MPHOSPH9: variants seen among roughly 807,000 people sequenced by gnomAD.
The protein encoded by MPHOSPH9 is M-phase phosphoprotein 9.
A neutral mutation model predicts 145.5 loss-of-function variants in MPHOSPH9; 88 were observed. The observed-to-expected ratio is 0.60, with a 90% CI of 0.51 to 0.72. The LOEUF (loss-of-function observed/expected upper bound fraction) is 0.72, where lower values mean the gene tolerates loss of function less well. Ranked by LOEUF, MPHOSPH9 falls within the 30% of genes least tolerant of loss-of-function variation. MPHOSPH9 has a pLI of 0.00. For missense variants in MPHOSPH9, 1,238 were observed against 1,386.6 expected (o/e 0.89, Z 1.70); for synonymous variants, 435 against 486.2 (o/e 0.89, Z 1.39).
At chr12:123,213,692 C>A (rs1360422305) in intron 7 of MPHOSPH9, among the ~76,000 whole-genome samples, 2 of 152,168 alleles carry the variant, frequency 1.3e-5, no homozygotes, top group East Asian at 3.9e-4. Context: ...GGACATAACC[C>A]CATTGTAATT....
chr12:123,166,531 G>C, intron 17 of MPHOSPH9, 124 bp downstream of exon 17: 1 of 1,081,506 alleles, frequency 9.2e-7, no homozygotes, highest in South Asian at 1.4e-5. Flanking sequence ...TAAAATAAAA[G>C]TCAGGTTCTC....
At position 123,203,011 on chromosome 12, in the gene MPHOSPH9, G is replaced by A. The variant is rs372493257; in HGVS notation, c.1394C>T (p.Pro465Leu). 5.4e-5 allele frequency: 87 copies of A among 1,614,190 alleles called. No homozygotes were observed. Among genetic ancestry groups the A allele is most frequent in the South Asian group, 2.6e-4 (24 of 91,088 alleles). ...QISGIQPHGL[P>L]NALDDRISFS... ...GGATATTCTGTCATCAAGGGCATTC[G>A]GAAGGCCGTGAGGTTGAATCCCTGA... is the stretch of plus-strand genomic sequence containing the variant. Residue 465 changes from proline to leucine, a missense_variant, in exon 10 of 24, where the codon CCG (proline) becomes CTG (leucine). Transcript: ENST00000606320.
At chr12:123,230,589 TA>T (rs1365898260) in intron 1 of MPHOSPH9, 67 bp from the exon 2 acceptor site, 15 of 395,782 alleles carry the variant, frequency 3.8e-5, no homozygotes, top group African/African-American at 6.2e-5. Context: ...TGTTTTTACA[TA>T]ACTTTGGAAA....
chr12:123,213,317 T>C (rs1218855450), intron 7 of MPHOSPH9, among the ~76,000 whole-genome samples: 1 of 152,116 alleles, frequency 6.6e-6, no homozygotes, highest in African/African-American at 2.4e-5. Context: ...TGATGTTTAA[T>C]AAGCTAGGTG....
Position 123,200,109 on chromosome 12 carries a change from T to C in MPHOSPH9, c.1938-1775A>G, listed in dbSNP as rs542532429. ...TGTCCCAAGTTCTAAATCCGTGACATAGTAATCTGATATCACAGCTGGCTA... is the reference window on the plus strand; with the variant it reads ...TGTCCCAAGTTCTAAATCCGTGACACAGTAATCTGATATCACAGCTGGCTA... On this transcript the variant is annotated intron_variant, in intron 11 of 23. Coordinates refer to ENST00000606320, the MANE Select transcript of MPHOSPH9 (RefSeq NM_022782.4). 2.0e-4 allele frequency among the ~76,000 whole-genome samples: 31 copies of C among 152,332 alleles called. 1 individual carries two copies. In the South Asian group the frequency reaches 6.2e-3, roughly 31 times the overall value.
At position 123,155,992 on chromosome 12, in the gene MPHOSPH9, C is replaced by T. The variant is rs577915588; in HGVS notation, c.*815G>A. On this transcript the variant is annotated 3_prime_UTR_variant, in exon 24 of 24. Transcript: ENST00000606320. ...GCTGAAGCCATGCACACTAAGAAAACCAGGCTGCCCTCTTAATCCCTCACG... is the reference window on the plus strand; with the variant it reads ...GCTGAAGCCATGCACACTAAGAAAATCAGGCTGCCCTCTTAATCCCTCACG... 2 of 152,308 alleles carry T rather than the reference C, an allele frequency of 1.3e-5. No individual in the cohort carries two copies. Among genetic ancestry groups the T allele is most frequent in the African/African-American group, 4.8e-5 (2 of 41,544 alleles). 9.4% of individuals were successfully genotyped at this position (152,308 alleles called of 1,614,324 possible).
chr12:123,165,624 G>T, intron 17 of MPHOSPH9, 147 bp from the exon 18 acceptor site: 1 of 700,804 alleles, frequency 1.4e-6, no homozygotes, highest in Non-Finnish European at 2.3e-6. Flanking sequence ...AATTAGGGTT[G>T]GATGAGGTCA....
intron 8 of MPHOSPH9, among the ~76,000 whole-genome samples, chr12:123,208,633 A>C (rs1299209610): frequency 1.3e-5 from 2 of 152,148 alleles, no homozygotes; most frequent in Non-Finnish European, 2.9e-5. Flanking sequence ...GTAACAAATG[A>C]AAAATCAACA....
intron 1 of MPHOSPH9, among the ~76,000 whole-genome samples, chr12:123,241,220 A>G (rs940808934): frequency 4.7e-5 from 7 of 150,292 alleles, no homozygotes; most frequent in African/African-American, 1.5e-4. Flanking sequence ...ATGAACTCCC[A>G]GCTTCATGGG....
chr12:123,172,032 A>T (rs2044605331), intron 16 of MPHOSPH9, among the ~76,000 whole-genome samples: 1 of 152,212 alleles, frequency 6.6e-6, no homozygotes. Flanking sequence ...AAGAAATACA[A>T]AATTGCTTCA....
At chr12:123,217,841 C>T (rs966815745) in intron 6 of MPHOSPH9, among the ~76,000 whole-genome samples, 4 of 151,668 alleles carry the variant, frequency 2.6e-5, no homozygotes, top group Admixed American at 1.3e-4. Context: ...GTCAGGAGTT[C>T]GAGAGCAGCC....
chr12:123,159,321 G>A lies in MPHOSPH9; in HGVS notation c.3450+1460C>T, dbSNP rs958580131. Among the ~76,000 whole-genome samples, 2 of 151,904 alleles carry A rather than the reference G, an allele frequency of 1.3e-5. No individual in the cohort carries two copies. The highest frequency in any genetic ancestry group is 4.8e-5 in the African/African-American group (2 of 41,356). On this transcript the variant is annotated intron_variant, in intron 23 of 23. Coordinates refer to ENST00000606320, the MANE Select transcript of MPHOSPH9 (RefSeq NM_022782.4). This position sits in a 1 kb window ranked among gnomAD's most constrained non-coding sequence, Gnocchi z 4.3. ...TAGGACTGCAGGCGTGCACTACCAC[G>A]CCTGGCTAATTTTTTGTATTTTTAG...
intron 1 of MPHOSPH9, among the ~76,000 whole-genome samples, chr12:123,239,588 G>A (rs2047899126): frequency 6.6e-6 from 1 of 152,038 alleles, no homozygotes; most frequent in Non-Finnish European, 1.5e-5. Context: ...ATTTTTAGTA[G>A]AGACGGGGTT....
At chr12:123,179,713 C>CT (rs2045036952) in intron 15 of MPHOSPH9, among the ~76,000 whole-genome samples, 5 of 88,084 alleles carry the variant, frequency 5.7e-5, no homozygotes, top group East Asian at 7.8e-4. Context: ...GACCCTGTCT[C>CT]TTTAAAAAAA....
intron 15 of MPHOSPH9, among the ~76,000 whole-genome samples, chr12:123,179,716 T>TAA (rs11380874): frequency 2.5e-3 from 323 of 128,734 alleles, no homozygotes; most frequent in East Asian, 0.015. Context: ...CCTGTCTCTT[T>TAA]AAAAAAAAAA....
intron 6 of MPHOSPH9, among the ~76,000 whole-genome samples, chr12:123,217,862 G>A (rs2047032507): frequency 6.6e-6 from 1 of 151,902 alleles, no homozygotes; most frequent in Non-Finnish European, 1.5e-5. Context: ...TGGCCAACAT[G>A]GTGAAACCCT....
intron 15 of MPHOSPH9, among the ~76,000 whole-genome samples, chr12:123,177,151 G>T (rs2044911451): frequency 6.6e-6 from 1 of 151,838 alleles, no homozygotes; most frequent in South Asian, 2.1e-4. Flanking sequence ...GATCGCACCA[G>T]CCTGGCGACA....
intron 23 of MPHOSPH9, 149 bp downstream of exon 23, chr12:123,160,632 C>G (rs759632293): frequency 6.3e-6 from 4 of 631,548 alleles, no homozygotes; most frequent in Non-Finnish European, 7.9e-6. Context: ...TTGCTATAAT[C>G]AAACACTTCC....
At chr12:123,179,445 C>T (rs1470788692) in intron 15 of MPHOSPH9, among the ~76,000 whole-genome samples, 1 of 152,068 alleles carries the variant, frequency 6.6e-6, no homozygotes, top group Non-Finnish European at 1.5e-5. Flanking sequence ...TGTGGTGGTA[C>T]ACTCCTGTAG....
Sources: gnomAD v4.1 joint callset for allele counts (sites outside exome capture counted in the v4.1 genomes callset) on GRCh38, gnomAD v4.1.1 for gene constraint, Gnocchi (gnomAD v3.1) non-coding constraint, MANE v1.5 for transcripts, NCBI Gene and HGNC (gene_info 2026-07-23, HGNC 2026-07-21) for gene names.